GPRC5D: variants seen among roughly 807,000 people sequenced by gnomAD.
GPRC5D encodes the protein G protein-coupled receptor family C group 5 member D.
GPRC5D carries 20 observed loss-of-function variants against 29.3 expected under a neutral mutation model. That is an observed-to-expected ratio of 0.68 (90% CI 0.48 to 0.99). The LOEUF (loss-of-function observed/expected upper bound fraction) is 0.99, where lower values mean the gene tolerates loss of function less well. GPRC5D is among the 50% of genes least tolerant of loss of function. GPRC5D has a pLI of 0.00. For missense variants in GPRC5D, 384 were observed against 423.6 expected (o/e 0.91, Z 0.82); for synonymous variants, 178 against 171.3 (o/e 1.04, Z -0.30).
At chr12:12,940,788 G>T in exon 3 of GPRC5D, 2 of 1,597,198 alleles carry the variant, frequency 1.3e-6, no homozygotes, top group African/African-American at 1.3e-5. Context: ...TACTCCTCCT[G>T]CATCTTGCTG....
chr12:12,947,557 CTCCCTTCT>C (rs1448501502), intron 1 of GPRC5D, among the ~76,000 whole-genome samples: 1 of 151,218 alleles, frequency 6.6e-6, no homozygotes, highest in African/African-American at 2.4e-5. Flanking sequence ...CCCTCCCTCC[CTCCCTTCT>C]TTCTTTTATT....
intron 1 of GPRC5D, among the ~76,000 whole-genome samples, chr12:12,945,148 T>C (rs1196230512): frequency 1.3e-5 from 2 of 151,148 alleles, no homozygotes; most frequent in Non-Finnish European, 2.9e-5. Flanking sequence ...GGACTACGGG[T>C]GCCCGACACC....
rs76933056 is a variant in GPRC5D at position 12,949,801 on chromosome 12, G to C, written c.584C>G (p.Pro195Arg). The change falls in exon 1 of 3, where the codon CCG becomes CGG. Residue 195 changes from proline to arginine, a missense_variant. Transcript: ENST00000228887. ...TCCATGCTGCTTCCAGTTCTCACAC[G>C]GGCCACAGAAGGTGGCTTTGGAGAC... The C allele has an allele frequency of 1.9e-6, 3 of 1,613,918 alleles. No homozygotes were observed. In the African/African-American group the frequency reaches 4.0e-5, roughly 22 times the overall value.
chr12:12,940,635 G>T, downstream of GPRC5D: 1 of 549,844 alleles, frequency 1.8e-6, no homozygotes, highest in African/African-American at 1.9e-5. Flanking sequence ...GAGGGTCCTG[G>T]TGGATGGAGG....
upstream of GPRC5D, chr12:12,950,422 C>T: frequency 2.9e-6 from 4 of 1,391,094 alleles, no homozygotes; most frequent in Non-Finnish European, 3.9e-6. Context: ...GAATGGTTTT[C>T]TGATGCCCTG....
chr12:12,947,757 A>G (rs746721671), intron 1 of GPRC5D, among the ~76,000 whole-genome samples: 27 of 152,094 alleles, frequency 1.8e-4, no homozygotes, highest in Non-Finnish European at 3.8e-4. Context: ...GGGTTTCGCC[A>G]TGTCGCCCAG....
intron 1 of GPRC5D, among the ~76,000 whole-genome samples, chr12:12,946,369 T>C (rs7397919): frequency 2.1e-5 from 3 of 144,848 alleles, no homozygotes; most frequent in African/African-American, 7.8e-5. Context: ...TTCTTTCTTT[T>C]CTTTCTTTCT....
At chr12:12,944,670 A>C (rs1863229156) in intron 1 of GPRC5D, among the ~76,000 whole-genome samples, 1 of 151,982 alleles carries the variant, frequency 6.6e-6, no homozygotes, top group Admixed American at 6.6e-5. Flanking sequence ...CTTCAAAAAG[A>C]ATCATATGAG....
intron 1 of GPRC5D, among the ~76,000 whole-genome samples, chr12:12,946,325 C>CT (rs1164903387): frequency 1.4e-5 from 2 of 146,708 alleles, no homozygotes; most frequent in African/African-American, 5.1e-5. Context: ...TTCTTTCTTT[C>CT]TTTCTTTCTT....
intron 2 of GPRC5D, among the ~76,000 whole-genome samples, chr12:12,941,351 A>G (rs1863142307): frequency 6.6e-6 from 1 of 152,236 alleles, no homozygotes; most frequent in Non-Finnish European, 1.5e-5. Context: ...AGGTTCTTGA[A>G]TAGCTGATCA....
intron 1 of GPRC5D, 147 bp downstream of exon 2, chr12:12,949,343 G>A (rs1863427287): frequency 1.5e-6 from 1 of 659,222 alleles, no homozygotes; most frequent in Non-Finnish European, 2.7e-6. Context: ...CTGGGAGTCT[G>A]CATTTCTATG....
At chr12:12,947,386 G>A (rs1863375455) in intron 1 of GPRC5D, 1 of 152,082 alleles carries the variant, frequency 6.6e-6, no homozygotes, top group African/African-American at 2.4e-5. Flanking sequence ...ACTTTTAATT[G>A]AGTTTTAATC....
chr12:12,941,134 C>T (rs1473567358), intron 2 of GPRC5D, among the ~76,000 whole-genome samples: 3 of 152,156 alleles, frequency 2.0e-5, no homozygotes, highest in Non-Finnish European at 4.4e-5. Flanking sequence ...TGGTTTTGAA[C>T]ACCTGACCTC....
exon 1 of GPRC5D, chr12:12,949,798 C>A: frequency 6.2e-7 from 1 of 1,614,138 alleles, no homozygotes; most frequent in Non-Finnish European, 8.5e-7. Flanking sequence ...CCAGTTCTCA[C>A]ACGGGCCACA....
intron 1 of GPRC5D, among the ~76,000 whole-genome samples, chr12:12,944,895 TTCTTTCTTTCTC>T (rs1863265476): frequency 7.7e-6 from 1 of 130,648 alleles, no homozygotes; most frequent in African/African-American, 2.8e-5. Flanking sequence ...CTTTCTTTCT[TTCTTTCTTTCTC>T]TCCCTTTCTT....
At chr12:12,950,859 C>T (rs573480583), upstream of GPRC5D, among the ~76,000 whole-genome samples, 12 of 150,922 alleles carry the variant, frequency 8.0e-5, no homozygotes, top group African/African-American at 2.2e-4. Flanking sequence ...AATCCTAGCA[C>T]TTTAGGAGGC....
chr12:12,951,761 A>G (rs1314743626), upstream of GPRC5D, among the ~76,000 whole-genome samples: 1 of 152,154 alleles, frequency 6.6e-6, no homozygotes, highest in Non-Finnish European at 1.5e-5. Context: ...AGGCAGATAA[A>G]TTACTGGGAA....
chr12:12,948,978 G>A (rs1364937272), intron 1 of GPRC5D, among the ~76,000 whole-genome samples: 1 of 152,156 alleles, frequency 6.6e-6, no homozygotes, highest in Non-Finnish European at 1.5e-5. Flanking sequence ...AAGTGATTGG[G>A]CTTTATGGCT....
exon 1 of GPRC5D, chr12:12,949,894 C>T (rs1165949259): frequency 6.2e-7 from 1 of 1,614,098 alleles, no homozygotes; most frequent in African/African-American, 1.3e-5. Flanking sequence ...ATTGAGCTGG[C>T]AGGGTGTCAT....
Sources: allele counts gnomAD v4.1 joint callset (sites outside exome capture counted in the v4.1 genomes callset), GRCh38; gene constraint gnomAD v4.1.1; transcripts MANE v1.5; gene names NCBI Gene and HGNC (gene_info 2026-07-23, HGNC 2026-07-21).